Variants in PDGFD observed in about 807,000 individuals in gnomAD.
The protein encoded by PDGFD is platelet derived growth factor D, also known as platelet-derived growth factor D.
In PDGFD, 30 loss-of-function variants were observed where a neutral mutation model predicts 44.7. That is an observed-to-expected ratio of 0.67 (90% confidence interval 0.50 to 0.91). The LOEUF (loss-of-function observed/expected upper bound fraction) is 0.91. PDGFD is among the 40% of genes least tolerant of loss of function. PDGFD has a pLI of 0.00. For missense variants in PDGFD, 445 were observed against 457.8 expected, an observed-to-expected ratio of 0.97 and a Z score of 0.25; for synonymous variants, 173 against 168.4, an observed-to-expected ratio of 1.03 and a Z score of -0.21.
chr11:104,054,839 C>T (rs987133268), intron 1 of PDGFD, among the ~76,000 whole-genome samples: 4 of 152,124 alleles, frequency 2.6e-5, no homozygotes, highest in African/African-American at 7.2e-5. Flanking sequence ...AGTAATGGTG[C>T]CAGGGTAATC....
chr11:104,036,633 A>G, intron 1 of PDGFD: 1 of 602,682 alleles, frequency 1.7e-6, no homozygotes, highest in Non-Finnish European at 3.0e-6. Flanking sequence ...CTGGCCACAC[A>G]GCAGGCACTG....
chr11:103,919,539 A>G (rs1403548181), intron 6 of PDGFD, among the ~76,000 whole-genome samples: 1 of 94,020 alleles, frequency 1.1e-5, no homozygotes, highest in African/African-American at 4.3e-5. Flanking sequence ...ATGGAGTTTC[A>G]GTCTTCTTGC....
chr11:104,031,205 A>T (rs1860119298), intron 1 of PDGFD, among the ~76,000 whole-genome samples: 1 of 152,222 alleles, frequency 6.6e-6, no homozygotes, highest in African/African-American at 2.4e-5. Flanking sequence ...TGAATAGACA[A>T]CCTATAGAAT....
chr11:104,067,075 C>T (rs1860800830), intron 1 of PDGFD, among the ~76,000 whole-genome samples: 1 of 152,074 alleles, frequency 6.6e-6, no homozygotes, highest in African/African-American at 2.4e-5. Flanking sequence ...TAGTTTTCTC[C>T]CCATAACATT....
chr11:103,926,843 A>G, intron 6 of PDGFD, 69 bp downstream of exon 6: 5 of 1,465,650 alleles, frequency 3.4e-6, no homozygotes, highest in Non-Finnish European at 4.7e-6. Context: ...GAACAACTGT[A>G]TGCAATGGCC....
rs539668183 is a variant in PDGFD at position 103,955,749 on chromosome 11, A to C, written c.511-8025T>G. Among the ~76,000 whole-genome samples, 9 of 152,286 alleles carry C rather than the reference A, an allele frequency of 5.9e-5. No homozygotes were observed. In the East Asian group the frequency reaches 1.7e-3, roughly 29 times the overall value. The stretch of plus-strand genomic sequence containing the variant: ...AATATATGTTTCTTAGAGTTACAAG[A>C]AGCCCTGGATAGGAGCTTTCTGTTA... On this transcript the variant is annotated intron_variant, in intron 3 of 6. Transcript: ENST00000393158.
intron 4 of PDGFD, among the ~76,000 whole-genome samples, chr11:103,946,995 A>G (rs539257214): frequency 2.0e-5 from 3 of 152,316 alleles, no homozygotes; most frequent in African/African-American, 7.2e-5. Flanking sequence ...ACCTTTTAGT[A>G]AACAACTGCA....
At chr11:104,095,750 G>A (rs761837477) in intron 1 of PDGFD, among the ~76,000 whole-genome samples, 1 of 152,164 alleles carries the variant, frequency 6.6e-6, no homozygotes, top group Non-Finnish European at 1.5e-5. Context: ...ACTTGCGCAT[G>A]AAATCTCCGT....
chr11:103,938,016 A>G (rs111795223), intron 5 of PDGFD, among the ~76,000 whole-genome samples: 81,679 of 149,068 alleles, frequency 0.55, 24,466 homozygotes, highest in African/African-American at 0.79. Context: ...ATAAACATAC[A>G]TGTGCTTGTG....
intron 6 of PDGFD, among the ~76,000 whole-genome samples, chr11:103,925,699 A>ATG (rs1316529063): frequency 2.3e-5 from 1 of 44,406 alleles, no homozygotes; most frequent in Non-Finnish European, 4.6e-5. Context: ...ATATATATAT[A>ATG]CACAGACACA....
intron 3 of PDGFD, among the ~76,000 whole-genome samples, chr11:103,969,898 G>T (rs1478031778): frequency 6.6e-6 from 1 of 152,012 alleles, no homozygotes; most frequent in Non-Finnish European, 1.5e-5. Flanking sequence ...TTAGAAGACA[G>T]AAAATACTCA....
At chr11:104,098,128 C>T (rs1861311494) in intron 1 of PDGFD, among the ~76,000 whole-genome samples, 1 of 152,094 alleles carries the variant, frequency 6.6e-6, no homozygotes, top group African/African-American at 2.4e-5. Context: ...GAAAACAGTC[C>T]ATTTCAATCA....
chr11:104,102,380 AC>A, intron 1 of PDGFD, among the ~76,000 whole-genome samples: 1 of 152,206 alleles, frequency 6.6e-6, no homozygotes, highest in Non-Finnish European at 1.5e-5. Context: ...ACAATGAGAT[AC>A]CATCTCACAC....
chr11:104,136,008 T>C (rs539616806), intron 1 of PDGFD, among the ~76,000 whole-genome samples: 5 of 152,216 alleles, frequency 3.3e-5, no homozygotes, highest in Admixed American at 1.3e-4. Context: ...GATTGGAGTC[T>C]GGAAGGAGAA....
chr11:103,946,316 C>T (rs1276060145), intron 4 of PDGFD: 3 of 152,202 alleles, frequency 2.0e-5, no homozygotes, highest in African/African-American at 7.2e-5. Context: ...GAGAGTTAAG[C>T]AGCACCTAGA....
At chr11:103,922,893 C>G (rs73614211) in intron 6 of PDGFD, among the ~76,000 whole-genome samples, 4,824 of 152,140 alleles carry the variant, frequency 0.032, 263 homozygotes, top group African/African-American at 0.11. Context: ...GAATCCTTAT[C>G]TCCAAAGACA....
chr11:103,995,214 C>T (rs577313121), intron 3 of PDGFD, among the ~76,000 whole-genome samples: 11 of 152,154 alleles, frequency 7.2e-5, no homozygotes, highest in African/African-American at 1.9e-4. Flanking sequence ...CATCTCTACC[C>T]GACTTTAAGC....
chr11:104,130,265 A>G (rs1198711711), intron 1 of PDGFD, among the ~76,000 whole-genome samples: 1 of 152,078 alleles, frequency 6.6e-6, no homozygotes, highest in Non-Finnish European at 1.5e-5. Context: ...CTTCAAGTGA[A>G]GTCTAATGCA....
intron 1 of PDGFD, among the ~76,000 whole-genome samples, chr11:104,005,683 G>A (rs1463288892): frequency 6.6e-6 from 1 of 152,134 alleles, no homozygotes; most frequent in East Asian, 1.9e-4. Flanking sequence ...CCATGCCATT[G>A]GTATTATCCC....
Sources: allele counts gnomAD v4.1 joint callset (sites outside exome capture counted in the v4.1 genomes callset), GRCh38; gene constraint gnomAD v4.1.1; transcripts MANE v1.5; gene names NCBI Gene and HGNC (gene_info 2026-07-23, HGNC 2026-07-21).